The following SESN3 variants were observed in gnomAD, a reference collection of about 807,000 sequenced individuals.
SESN3 encodes the protein sestrin 3.
A neutral mutation model predicts 55.3 loss-of-function variants in SESN3; 21 were observed. The ratio of observed to expected loss-of-function variants is 0.38; its 90% confidence interval spans 0.27 to 0.55. The LOEUF is 0.55. Ranked by LOEUF, SESN3 falls within the 20% of genes least tolerant of loss-of-function variation. The pLI, the probability that SESN3 is intolerant of heterozygous loss-of-function variation, is 0.76. For missense variants in SESN3, 408 were observed against 604.3 expected (o/e 0.68, Z 3.41); for synonymous variants, 181 against 203.1 (o/e 0.89, Z 0.93).
At chr11:95,226,829 C>T (rs867141167) in intron 1 of SESN3, among the ~76,000 whole-genome samples, 2 of 152,182 alleles carry the variant, frequency 1.3e-5, no homozygotes, top group Non-Finnish European at 2.9e-5. Context: ...TTTTAAATTA[C>T]AGTTTTAAAA....
intron 1 of SESN3, among the ~76,000 whole-genome samples, chr11:95,215,330 C>T (rs2134260103): frequency 6.6e-6 from 1 of 152,146 alleles, no homozygotes; most frequent in African/African-American, 2.4e-5. Flanking sequence ...AACCACACTG[C>T]AGAACCATCG....
At chr11:95,177,311 C>T (rs1026690464) in intron 8 of SESN3, among the ~76,000 whole-genome samples, 1 of 151,968 alleles carries the variant, frequency 6.6e-6, no homozygotes, top group African/African-American at 2.4e-5. Flanking sequence ...TTGTTTATAC[C>T]GTAATTACCA....
intron 4 of SESN3, among the ~76,000 whole-genome samples, chr11:95,188,509 T>TATG (rs1730040610): frequency 6.6e-6 from 1 of 151,834 alleles, no homozygotes; most frequent in Admixed American, 6.6e-5. Flanking sequence ...GGTCATACAA[T>TATG]ATGATCTCAA....
Position 95,173,118 on chromosome 11 carries a change from C to CAAAAAAAA in SESN3, c.*129_*136dup. On this transcript the variant is annotated 3_prime_UTR_variant, in exon 10 of 10. Coordinates refer to ENST00000536441, the MANE Select transcript of SESN3 (RefSeq NM_144665.4). Reference sequence around the variant, plus strand: ...CATTGCACATTACAGCCGCAAAAAACAAAAAAAAAAAAACAAACGGCTAAA... The same window carrying CAAAAAAAA: ...CATTGCACATTACAGCCGCAAAAAACAAAAAAAAAAAAAAAAAAAAACAAACGGCTAAA... 1 of 417,054 alleles carries CAAAAAAAA rather than the reference C, an allele frequency of 2.4e-6. No individual in the cohort carries two copies. Among genetic ancestry groups the CAAAAAAAA allele is most frequent in the Non-Finnish European group, 4.3e-6 (1 of 232,662 alleles). 25.8% of individuals were successfully genotyped at this position (417,054 alleles called of 1,614,324 possible).
In SESN3 at chr11:95,230,770, G is replaced by T. The variant is rs143804225; in HGVS notation, c.78+13C>A. ...GCGACCCTCGCCGGCAGGACCCCGG[G>T]CCGAACCCGTACCTTCCGCAGCACT... On this transcript the variant is annotated intron_variant, in intron 1 of 9. Coordinates refer to ENST00000536441, the MANE Select transcript of SESN3 (RefSeq NM_144665.4). This position sits in a 1 kb window ranked among gnomAD's most constrained non-coding sequence, Gnocchi z 4.6. The T allele has an allele frequency of 9.8e-3, 15,734 of 1,598,464 alleles. 121 individuals carry two copies. Among genetic ancestry groups the T allele is most frequent in the Non-Finnish European group, 0.012 (14,539 of 1,172,752 alleles).
chr11:95,184,731 A>G (rs1251215812), intron 5 of SESN3, 137 bp from the exon 6 acceptor site: 22 of 684,076 alleles, frequency 3.2e-5, no homozygotes, highest in South Asian at 6.6e-5. Flanking sequence ...TTTTTCACCA[A>G]TTTCAAAGGA....
chr11:95,195,715 G>A (rs865872054), intron 1 of SESN3, among the ~76,000 whole-genome samples: 24 of 152,114 alleles, frequency 1.6e-4, no homozygotes, highest in Non-Finnish European at 2.2e-4. Context: ...GACATATTTT[G>A]TTGTGTTTAC....
chr11:95,216,169 A>G (rs1183566133), intron 1 of SESN3, among the ~76,000 whole-genome samples: 3 of 151,640 alleles, frequency 2.0e-5, no homozygotes, highest in Non-Finnish European at 4.4e-5. Flanking sequence ...TAGACAGCAC[A>G]CTGCATTTTA....
rs1361920160 is a variant in SESN3, at chr11:95,209,906, A to T, written c.79-16384T>A. On this transcript the variant is annotated intron_variant, in intron 1 of 9. Transcript: ENST00000536441. ...GTGGTGTGCACCTGTAGTCCCAGCT[A>T]CTCTGGAGGCTGAGGCAGAAGAATC... 1.3e-5 allele frequency among the ~76,000 whole-genome samples: 2 copies of T among 149,492 alleles called. 1 individual carries two copies. Among genetic ancestry groups the T allele is most frequent in the African/African-American group, 4.9e-5 (2 of 40,528 alleles).
intron 1 of SESN3, among the ~76,000 whole-genome samples, chr11:95,220,546 T>C (rs1465524338): frequency 6.6e-6 from 1 of 152,236 alleles, no homozygotes; most frequent in Non-Finnish European, 1.5e-5. Context: ...AGAACTTTAA[T>C]GTGTTTCTCA....
chr11:95,219,407 C>T (rs889324867), intron 1 of SESN3, among the ~76,000 whole-genome samples: 6 of 152,046 alleles, frequency 3.9e-5, no homozygotes, highest in Non-Finnish European at 5.9e-5. Context: ...TTAAGATATA[C>T]ATATTAAATG....
In SESN3 at chr11:95,227,078, CAGAT is replaced by C. The variant is rs545493689; in HGVS notation, c.78+3701_78+3704del. ...AAGGCATAATGTAACTAGTGGTCCACAGATAGAGCAAATACATTTTATTGGCTAA... is the reference window on the plus strand; with the variant it reads ...AAGGCATAATGTAACTAGTGGTCCACAGAGCAAATACATTTTATTGGCTAA... On this transcript the variant is annotated intron_variant, in intron 1 of 9. Coordinates refer to ENST00000536441, the MANE Select transcript of SESN3 (RefSeq NM_144665.4). Among the ~76,000 whole-genome samples, 9 of 151,954 alleles carry C rather than the reference CAGAT, an allele frequency of 5.9e-5. No homozygotes were observed. In the South Asian group the frequency reaches 1.9e-3, roughly 32 times the overall value.
intron 1 of SESN3, among the ~76,000 whole-genome samples, chr11:95,209,371 T>C (rs146808523): frequency 6.6e-6 from 1 of 150,900 alleles, no homozygotes; most frequent in East Asian, 1.9e-4. Flanking sequence ...CATGATTAAA[T>C]CATGATCATT....
intron 4 of SESN3, among the ~76,000 whole-genome samples, chr11:95,187,338 C>G (rs1447689779): frequency 6.6e-6 from 1 of 151,864 alleles, no homozygotes; most frequent in Non-Finnish European, 1.5e-5. Context: ...CCAATCTCTG[C>G]AGGATTATCA....
In SESN3 at chr11:95,165,708, T is replaced by C. The variant is rs1859731931; in HGVS notation, c.*7547A>G. ...AAAGTGCAGTTATGAATTGTTAACA[T>C]GTTAATACACAGTTCCTTTATTTCA... On this transcript the variant is annotated 3_prime_UTR_variant, in exon 10 of 10. Coordinates refer to ENST00000536441, the MANE Select transcript of SESN3 (RefSeq NM_144665.4). 1 of 152,214 alleles carries C rather than the reference T, an allele frequency of 6.6e-6. No individual in the cohort carries two copies. The highest frequency in any genetic ancestry group is 2.4e-5 in the African/African-American group (1 of 41,458). The allele number at this position is 152,214 out of a possible 1,614,324, so 9.4% of individuals were successfully genotyped here. A position where few individuals can be genotyped will look rare whatever the true frequency, so the allele number is the denominator to read the frequency against.
At chr11:95,184,053 G>A in intron 6 of SESN3, 1 of 276,788 alleles carries the variant, frequency 3.6e-6, no homozygotes, top group African/African-American at 2.2e-5. Context: ...TACAAAAAAG[G>A]CAGTTTTTTT....
At position 95,230,662 on chromosome 11, in the gene SESN3, G is replaced by A. The variant is rs138308840; in HGVS notation, c.78+121C>T. 8.2e-4 allele frequency: 552 copies of A among 676,188 alleles called. 5 individuals carry two copies. The African/African-American group carries it at 9.1e-3, about 11-fold the overall frequency. 41.9% of individuals were successfully genotyped at this position (676,188 alleles called of 1,614,324 possible). ...CCACGCCCCCTTTCTCAGTCCCTGC[G>A]GAGGGACGGTGCCCGGGGATCCCTC... is the stretch of plus-strand genomic sequence containing the variant. On this transcript the variant is annotated intron_variant, in intron 1 of 9. Transcript: ENST00000536441. The surrounding 1 kb of genome is among the most constrained non-coding windows in gnomAD (Gnocchi z 4.6).
In SESN3 at chr11:95,177,886, C is replaced by T; in HGVS notation, c.1080G>A (p.Gly360=). 1.9e-6 allele frequency: 3 copies of T among 1,590,506 alleles called. No homozygotes were observed. The highest frequency in any genetic ancestry group is 1.7e-6 in the Non-Finnish European group (2 of 1,171,704). ...AATAAAGTCTGTTCACCAGGGAGAA[C>T]CCATGATTTTCCCAGGTATAGTCCT... ...RAQDYTWENH[G]FSLVNRLYSD... is the part of the protein sequence containing the mutation. The change falls in exon 8 of 10, where the codon GGG becomes GGA. Residue 360 remains glycine, a synonymous_variant. Coordinates refer to ENST00000536441, the MANE Select transcript of SESN3 (RefSeq NM_144665.4).
At chr11:95,205,016 A>C (rs1213220283) in intron 1 of SESN3, 1 of 152,246 alleles carries the variant, frequency 6.6e-6, no homozygotes, top group African/African-American at 2.4e-5. Flanking sequence ...GGACTAAAAC[A>C]GCCTTCCAGA....
Sources: allele counts gnomAD v4.1 joint callset (sites outside exome capture counted in the v4.1 genomes callset), GRCh38; gene constraint gnomAD v4.1.1; non-coding constraint Gnocchi (gnomAD v3.1); transcripts MANE v1.5; gene names NCBI Gene and HGNC (gene_info 2026-07-23, HGNC 2026-07-21).